The following LHFPL3 variants were observed in gnomAD, a reference collection of about 807,000 sequenced individuals.
The protein encoded by LHFPL3 is LHFPL tetraspan subfamily member 3 protein.
LHFPL3 carries 5 observed loss-of-function variants against 19.3 expected under a neutral mutation model. The observed-to-expected ratio is 0.26, with a 90% confidence interval of 0.14 to 0.54. LHFPL3 has a LOEUF of 0.54. Ranked by LOEUF, LHFPL3 falls within the 20% of genes least tolerant of loss-of-function variation. The pLI, the probability that LHFPL3 is intolerant of heterozygous loss-of-function variation, is 0.94. For missense variants in LHFPL3, 249 were observed against 307.4 expected, an observed-to-expected ratio of 0.81 and a Z score of 1.42; for synonymous variants, 133 against 126.2, an observed-to-expected ratio of 1.05 and a Z score of -0.36.
chr7:104,345,736 T>C (rs1304935442), intron 1 of LHFPL3, among the ~76,000 whole-genome samples: 2 of 152,172 alleles, frequency 1.3e-5, no homozygotes, highest in Non-Finnish European at 2.9e-5. Context: ...CTGAGTTATG[T>C]GATGTAAACA....
intron 2 of LHFPL3, among the ~76,000 whole-genome samples, chr7:104,847,755 G>A (rs1235076335): frequency 4.6e-5 from 7 of 152,218 alleles, no homozygotes; most frequent in Admixed American, 1.3e-4. Context: ...CAAGTGATCC[G>A]CCTGCCTTGG....
intron 1 of LHFPL3, among the ~76,000 whole-genome samples, chr7:104,625,388 A>T (rs961167929): frequency 6.6e-6 from 1 of 152,254 alleles, no homozygotes; most frequent in African/African-American, 2.4e-5. Context: ...ATCTAGGAGC[A>T]AAGTGCTGCA....
chr7:104,689,592 T>G (rs376403377), intron 1 of LHFPL3, among the ~76,000 whole-genome samples: 5 of 152,194 alleles, frequency 3.3e-5, no homozygotes, highest in African/African-American at 1.2e-4. Context: ...ACTACACTAC[T>G]GACAATTTAT....
chr7:104,645,607 A>T (rs377593971), intron 1 of LHFPL3, among the ~76,000 whole-genome samples: 1 of 148,936 alleles, frequency 6.7e-6, no homozygotes, highest in Admixed American at 6.7e-5. Context: ...CTAAATCTTC[A>T]TGGAAAGTGA....
rs1792607891 is a variant in LHFPL3 at position 104,459,071 on chromosome 7, G to C, written c.445+129847G>C. Among the ~76,000 whole-genome samples, 3 of 152,210 alleles carry C rather than the reference G, an allele frequency of 2.0e-5. No homozygotes were observed. In the South Asian group the frequency reaches 6.2e-4, roughly 32 times the overall value. ...TTGCAGCATAGCACCAGGACCTCTGGGTAGCGCTTCTGCTCTGGCAGCTCA... is the reference window on the plus strand; with the variant it reads ...TTGCAGCATAGCACCAGGACCTCTGCGTAGCGCTTCTGCTCTGGCAGCTCA... On this transcript the variant is annotated intron_variant, in intron 1 of 2. Coordinates refer to ENST00000424859, the MANE Select transcript of LHFPL3 (RefSeq NM_199000.3).
chr7:104,574,405 A>G (rs553521557), intron 1 of LHFPL3, among the ~76,000 whole-genome samples: 1 of 152,356 alleles, frequency 6.6e-6, no homozygotes, highest in South Asian at 2.1e-4. Flanking sequence ...TAATTTTTAG[A>G]GAAGTAGAAT....
chr7:104,563,005 G>C (rs1402257791), intron 1 of LHFPL3, among the ~76,000 whole-genome samples: 1 of 152,202 alleles, frequency 6.6e-6, no homozygotes, highest in Non-Finnish European at 1.5e-5. Flanking sequence ...GGGGTCAGGG[G>C]TCAGGGACCC....
chr7:104,433,060 A>G (rs1792032023), intron 1 of LHFPL3, among the ~76,000 whole-genome samples: 1 of 152,170 alleles, frequency 6.6e-6, no homozygotes, highest in Non-Finnish European at 1.5e-5. Flanking sequence ...CTTTGTTTAT[A>G]TGGTTTATAT....
At chr7:104,344,558 T>G (rs955341896) in intron 1 of LHFPL3, among the ~76,000 whole-genome samples, 2 of 152,238 alleles carry the variant, frequency 1.3e-5, no homozygotes, top group Non-Finnish European at 1.5e-5. Flanking sequence ...AGTAATGGCC[T>G]CTAGCTTCAT....
intron 1 of LHFPL3, among the ~76,000 whole-genome samples, chr7:104,483,233 A>G (rs1331395871): frequency 6.6e-6 from 1 of 152,232 alleles, no homozygotes; most frequent in Non-Finnish European, 1.5e-5. Context: ...GTTTTGCAGG[A>G]TCAGTTTCAT....
At chr7:104,354,885 T>C (rs930397384) in intron 1 of LHFPL3, among the ~76,000 whole-genome samples, 1 of 152,186 alleles carries the variant, frequency 6.6e-6, no homozygotes, top group Non-Finnish European at 1.5e-5. Context: ...AATTTCTACA[T>C]ATAGTCAACA....
intron 1 of LHFPL3, among the ~76,000 whole-genome samples, chr7:104,589,376 G>T (rs975608484): frequency 1.3e-5 from 2 of 152,120 alleles, no homozygotes; most frequent in African/African-American, 4.8e-5. Context: ...TAATCATGTG[G>T]TTTTTGTCTT....
chr7:104,511,944 CTT>C (rs58712044), intron 1 of LHFPL3, among the ~76,000 whole-genome samples: 16 of 111,972 alleles, frequency 1.4e-4, no homozygotes, highest in East Asian at 4.9e-4. Flanking sequence ...CTTTCCTTTT[CTT>C]TTTTTTTTTT....
At chr7:104,795,731 CCA>C (rs1378334375) in intron 2 of LHFPL3, among the ~76,000 whole-genome samples, 1 of 152,184 alleles carries the variant, frequency 6.6e-6, no homozygotes, top group Non-Finnish European at 1.5e-5. Context: ...AATTTAAACT[CCA>C]CATGTCCAGT....
chr7:104,732,366 G>T (rs1391223711), intron 1 of LHFPL3, among the ~76,000 whole-genome samples: 1 of 151,990 alleles, frequency 6.6e-6, no homozygotes, highest in Non-Finnish European at 1.5e-5. Flanking sequence ...GACTTTTTTT[G>T]GTTGGTAAGC....
At chr7:104,349,391 A>G (rs540934019) in intron 1 of LHFPL3, among the ~76,000 whole-genome samples, 19 of 152,312 alleles carry the variant, frequency 1.2e-4, no homozygotes, top group African/African-American at 4.3e-4. Flanking sequence ...GTGCAGTTGT[A>G]GAGTAGATAT....
chr7:104,846,094 G>T (rs937544670), intron 2 of LHFPL3, among the ~76,000 whole-genome samples: 2 of 152,164 alleles, frequency 1.3e-5, no homozygotes, highest in African/African-American at 4.8e-5. Context: ...GGACTCTAGT[G>T]GCCCTTCATT....
At chr7:104,745,863 C>A (rs1794036786) in intron 2 of LHFPL3, among the ~76,000 whole-genome samples, 1 of 152,176 alleles carries the variant, frequency 6.6e-6, no homozygotes, top group Non-Finnish European at 1.5e-5. Flanking sequence ...GTCAACAATT[C>A]ATATGCTTCA....
chr7:104,346,828 T>A (rs556381503), intron 1 of LHFPL3, among the ~76,000 whole-genome samples: 33 of 151,570 alleles, frequency 2.2e-4, no homozygotes, highest in African/African-American at 7.5e-4. Flanking sequence ...TAACACACTT[T>A]CTAATGTTGA....
Sources: allele counts gnomAD v4.1 joint callset (sites outside exome capture counted in the v4.1 genomes callset), GRCh38; gene constraint gnomAD v4.1.1; transcripts MANE v1.5; gene names NCBI Gene and HGNC (gene_info 2026-07-23, HGNC 2026-07-21).